The following TMEM117 variants were observed in gnomAD, a reference collection of about 807,000 sequenced individuals.
TMEM117 encodes transmembrane protein 117.
Under a neutral mutation model 52.4 loss-of-function variants are expected in TMEM117, and 27 were observed. The ratio of observed to expected loss-of-function variants is 0.51; its 90% confidence interval spans 0.38 to 0.71. The LOEUF (loss-of-function observed/expected upper bound fraction) is 0.71. Among genes scored for constraint, TMEM117 ranks in the 30% least tolerant of loss-of-function variants. The pLI is 0.00. For synonymous variants in TMEM117, 215 were observed against 206.3 expected (o/e 1.04, Z -0.36); for missense variants, 556 against 630.5 (o/e 0.88, Z 1.26).
intron 5 of TMEM117, among the ~76,000 whole-genome samples, chr12:44,225,360 T>A (rs1303851486): frequency 6.6e-6 from 1 of 152,152 alleles, no homozygotes; most frequent in East Asian, 1.9e-4. Context: ...GTACTTGGCA[T>A]ACATCTGAAT....
At chr12:43,946,905 T>G (rs941652129) in intron 3 of TMEM117, among the ~76,000 whole-genome samples, 4 of 152,214 alleles carry the variant, frequency 2.6e-5, no homozygotes, top group African/African-American at 9.6e-5. Flanking sequence ...CTTGCAGATT[T>G]TTAGGTAACT....
intron 4 of TMEM117, among the ~76,000 whole-genome samples, chr12:44,165,957 A>G (rs116842830): frequency 0.012 from 1,788 of 152,350 alleles, 15 homozygotes; most frequent in Non-Finnish European, 0.019. Context: ...ATTCTCTATG[A>G]TAGACCATAT....
chr12:43,812,062 A>G, the TMEM117 span, among the ~76,000 whole-genome samples: 1 of 152,216 alleles, frequency 6.6e-6, no homozygotes, highest in Non-Finnish European at 1.5e-5. Context: ...TAAAAATCCA[A>G]AAAGTATTCA....
rs569050550 is a variant in TMEM117, at chr12:44,376,531, T to A, written c.769-64T>A. 9.5e-6 allele frequency: 15 copies of A among 1,572,924 alleles called. No homozygotes were observed. The East Asian group carries it at 3.4e-4, about 36-fold the overall frequency. On this transcript the variant is annotated intron_variant, in intron 6 of 7. Transcript: ENST00000266534. ...ATAAGTGCTTATAAAAAGTCAATTT[T>A]TGGTGTTTTGCTGCTTAGGAATGAA...
chr12:43,835,988 C>G (rs2137331565), upstream of TMEM117: 1 of 151,380 alleles, frequency 6.6e-6, no homozygotes, highest in East Asian at 1.9e-4. Context: ...GGGAGCGCGG[C>G]GCGGTGAAGC....
chr12:44,362,713 G>A (rs1318479146), intron 6 of TMEM117, among the ~76,000 whole-genome samples: 1 of 152,068 alleles, frequency 6.6e-6, no homozygotes, highest in Non-Finnish European at 1.5e-5. Context: ...GATAGTTAGA[G>A]TAAAGAGAAG....
At chr12:44,071,661 AG>A (rs1334994967) in intron 3 of TMEM117, among the ~76,000 whole-genome samples, 1 of 152,180 alleles carries the variant, frequency 6.6e-6, no homozygotes, top group East Asian at 1.9e-4. Flanking sequence ...AGCTTTCTGT[AG>A]TGTCCTGGGC....
chr12:44,311,601 C>T (rs1434105691), intron 6 of TMEM117, among the ~76,000 whole-genome samples: 2 of 151,530 alleles, frequency 1.3e-5, no homozygotes, highest in East Asian at 3.9e-4. Context: ...TGACAGCTGC[C>T]ACAGCCAACA....
At chr12:43,903,300 T>C (rs1464563988) in intron 2 of TMEM117, among the ~76,000 whole-genome samples, 1 of 152,216 alleles carries the variant, frequency 6.6e-6, no homozygotes, top group Non-Finnish European at 1.5e-5. Flanking sequence ...CTTCTGCTGG[T>C]GTTTTAATAA....
chr12:43,886,819 G>T (rs1458871724), intron 2 of TMEM117, among the ~76,000 whole-genome samples: 2 of 151,966 alleles, frequency 1.3e-5, no homozygotes, highest in Non-Finnish European at 2.9e-5. Context: ...AGTGTGAATT[G>T]TTCCGCTCTA....
chr12:44,323,429 T>G (rs1951158371), intron 6 of TMEM117, among the ~76,000 whole-genome samples: 1 of 152,160 alleles, frequency 6.6e-6, no homozygotes, highest in South Asian at 2.1e-4. Flanking sequence ...TTATTATTAT[T>G]AGTTAGATGG....
chr12:44,238,021 A>G (rs1273692018), intron 5 of TMEM117, among the ~76,000 whole-genome samples: 1 of 152,172 alleles, frequency 6.6e-6, no homozygotes, highest in Non-Finnish European at 1.5e-5. Flanking sequence ...AAAACTCATT[A>G]ATAGAATCAT....
intron 6 of TMEM117, among the ~76,000 whole-genome samples, chr12:44,309,404 A>T (rs748448421): frequency 1.3e-5 from 2 of 152,154 alleles, no homozygotes; most frequent in African/African-American, 4.8e-5. Flanking sequence ...GTTGTCCAAG[A>T]GGCTCAGTGT....
intron 6 of TMEM117, among the ~76,000 whole-genome samples, chr12:44,368,425 A>G (rs755609880): frequency 7.9e-5 from 12 of 152,114 alleles, no homozygotes; most frequent in Non-Finnish European, 1.6e-4. Flanking sequence ...CCACCATCTA[A>G]TATTTAGATC....
In TMEM117 at chr12:44,194,268, G is replaced by T. The variant is rs181341533; in HGVS notation, c.511-17022G>T. Among the ~76,000 whole-genome samples, 413 of 152,170 alleles carry T rather than the reference G, an allele frequency of 2.7e-3. 1 individual carries two copies. Among genetic ancestry groups the T allele is most frequent in the South Asian group, 6.4e-3 (31 of 4,820 alleles). The stretch of plus-strand genomic sequence containing the variant: ...AACAGCTACCATAGTGATTTCTTTC[G>T]GAAAAAGCTTAAGCAAGTGTTAATA... On this transcript the variant is annotated intron_variant, in intron 4 of 7. Transcript: ENST00000266534.
chr12:44,184,903 T>A (rs1050180351), intron 4 of TMEM117, among the ~76,000 whole-genome samples: 1 of 152,216 alleles, frequency 6.6e-6, no homozygotes, highest in Non-Finnish European at 1.5e-5. Flanking sequence ...TATGTAAGCA[T>A]AACTTCCTAT....
chr12:43,826,387 G>A, the TMEM117 span, among the ~76,000 whole-genome samples: 1 of 152,308 alleles, frequency 6.6e-6, no homozygotes, highest in Admixed American at 6.5e-5. Flanking sequence ...AGTACCCCCT[G>A]AGGCTAGATC....
At chr12:44,224,623 C>T (rs1949836622) in intron 5 of TMEM117, among the ~76,000 whole-genome samples, 2 of 152,132 alleles carry the variant, frequency 1.3e-5, no homozygotes, top group South Asian at 2.1e-4. Context: ...GCATGTGAAG[C>T]AGGATGTGAA....
intron 5 of TMEM117, among the ~76,000 whole-genome samples, chr12:44,271,748 C>T (rs1214522993): frequency 6.6e-6 from 1 of 151,980 alleles, no homozygotes; most frequent in African/African-American, 2.4e-5. Context: ...AATGAGATTA[C>T]ATCGAGCTAA....
Sources: allele counts gnomAD v4.1 joint callset (sites outside exome capture counted in the v4.1 genomes callset), GRCh38; gene constraint gnomAD v4.1.1; transcripts MANE v1.5; gene names NCBI Gene and HGNC (gene_info 2026-07-23, HGNC 2026-07-21).